CAPZB: variants seen among roughly 807,000 people sequenced by gnomAD.
CAPZB encodes the protein F-actin-capping protein subunit beta.
Under a neutral mutation model 38.1 loss-of-function variants are expected in CAPZB, and 2 were observed. The ratio of observed to expected loss-of-function variants is 0.05; its 90% CI spans 0.02 to 0.17. The LOEUF is 0.17. Ranked by LOEUF, CAPZB falls within the 10% of genes least tolerant of loss-of-function variation. The pLI, the probability that CAPZB is intolerant of heterozygous loss-of-function variation, is 1.00. For synonymous variants in CAPZB, 107 were observed against 127.4 expected, an observed-to-expected ratio of 0.84 and a Z score of 1.08; for missense variants, 161 against 334.2, an observed-to-expected ratio of 0.48 and a Z score of 4.04.
intron 4 of CAPZB, among the ~76,000 whole-genome samples, chr1:19,368,510 A>C (rs973869195): frequency 8.6e-5 from 13 of 151,558 alleles, no homozygotes; most frequent in South Asian, 2.1e-4. Flanking sequence ...AAAAAAAAAA[A>C]AAAACGGTGG....
rs529871276 is a variant in CAPZB, at chr1:19,479,024, C to G, written c.3+6412G>C. Among the ~76,000 whole-genome samples the G allele has an allele frequency of 6.6e-5, 10 of 152,266 alleles. No individual in the cohort carries two copies. In the East Asian group the frequency reaches 1.9e-3, roughly 29 times the overall value. Reference sequence around the variant, plus strand: ...AGGCGTTCAAGACCAGCCTGGCCAACATGGTGAAACCCTGTCTCTACTAAA... The same window carrying G: ...AGGCGTTCAAGACCAGCCTGGCCAAGATGGTGAAACCCTGTCTCTACTAAA... On this transcript the variant is annotated intron_variant, in intron 1 of 8. Coordinates refer to ENST00000264202, the MANE Select transcript of CAPZB (RefSeq NM_004930.5).
intron 1 of CAPZB, among the ~76,000 whole-genome samples, chr1:19,440,804 T>C (rs954392318): frequency 1.3e-5 from 2 of 152,214 alleles, no homozygotes; most frequent in African/African-American, 4.8e-5. Context: ...CTCACGCCTG[T>C]AATCCCAGCA....
chr1:19,452,546 G>C (rs1288187428), intron 1 of CAPZB, among the ~76,000 whole-genome samples: 1 of 152,186 alleles, frequency 6.6e-6, no homozygotes, highest in Non-Finnish European at 1.5e-5. Flanking sequence ...GCCTTCCACT[G>C]CCACGTACAC....
intron 1 of CAPZB, among the ~76,000 whole-genome samples, chr1:19,437,052 G>A (rs1005863378): frequency 3.3e-5 from 5 of 152,220 alleles, no homozygotes; most frequent in African/African-American, 1.2e-4. Context: ...CCTCTACAAA[G>A]TGGACGCCCA....
At chr1:19,443,772 G>A (rs2094486843) in intron 1 of CAPZB, among the ~76,000 whole-genome samples, 1 of 152,244 alleles carries the variant, frequency 6.6e-6, no homozygotes, top group African/African-American at 2.4e-5. Context: ...CAGATGCTGT[G>A]TGTGGCCGCA....
intron 3 of CAPZB, among the ~76,000 whole-genome samples, chr1:19,385,196 G>A (rs1453117335): frequency 6.6e-6 from 1 of 152,132 alleles, no homozygotes; most frequent in Non-Finnish European, 1.5e-5. Flanking sequence ...AGTTGTTTTT[G>A]AACAACATCC....
chr1:19,392,187 TAA>T (rs746920918), intron 2 of CAPZB, among the ~76,000 whole-genome samples: 11 of 23,770 alleles, frequency 4.6e-4, no homozygotes, highest in Admixed American at 1.0e-3. Context: ...TGTCTCAAGG[TAA>T]AAAAAAAAAA....
intron 4 of CAPZB, among the ~76,000 whole-genome samples, chr1:19,371,546 AAGAG>A (rs2094119656): frequency 1.3e-5 from 2 of 152,274 alleles, no homozygotes; most frequent in South Asian, 4.1e-4. Flanking sequence ...AGAAAAGACA[AAGAG>A]AGAATCCAGT....
rs939487289 is a variant in CAPZB, at chr1:19,384,209, T to G, written c.215+1296A>C. On this transcript the variant is annotated intron_variant, in intron 3 of 8. Transcript: ENST00000264202. The stretch of plus-strand genomic sequence containing the variant: ...CTGGCCTTCAAGACCCTGCCAGACC[T>G]GCCCTGGCCATGCCTCCTCCCTCAT... Among the ~76,000 whole-genome samples, 3 of 152,306 alleles carry G rather than the reference T, an allele frequency of 2.0e-5. 1 individual carries two copies. The East Asian group carries it at 5.8e-4, about 29-fold the overall frequency.
intron 4 of CAPZB, among the ~76,000 whole-genome samples, chr1:19,371,552 G>C (rs2094119698): frequency 6.6e-6 from 1 of 152,184 alleles, no homozygotes; most frequent in Non-Finnish European, 1.5e-5. Context: ...GACAAAGAGA[G>C]AATCCAGTCC....
At chr1:19,342,423 G>GA (rs780336172) in intron 8 of CAPZB, among the ~76,000 whole-genome samples, 1 of 152,258 alleles carries the variant, frequency 6.6e-6, no homozygotes, top group Non-Finnish European at 1.5e-5. Context: ...CTGCCCTGGG[G>GA]ACAGTCAGGC....
intron 2 of CAPZB, among the ~76,000 whole-genome samples, chr1:19,418,215 T>C (rs1022831695): frequency 3.6e-5 from 5 of 140,818 alleles, no homozygotes; most frequent in Non-Finnish European, 6.1e-5. Context: ...CCCAAATATA[T>C]GGCTCCTCTA....
chr1:19,354,605 G>A (rs1359586865), intron 6 of CAPZB, among the ~76,000 whole-genome samples: 1 of 152,242 alleles, frequency 6.6e-6, no homozygotes, highest in Admixed American at 6.5e-5. Flanking sequence ...GTGTGCTGAG[G>A]ACAGGCACTC....
intron 4 of CAPZB, among the ~76,000 whole-genome samples, chr1:19,373,497 G>A (rs998981570): frequency 1.4e-4 from 21 of 152,192 alleles, no homozygotes; most frequent in Middle Eastern, 3.4e-3. Context: ...CAGAATCTAC[G>A]TCTTTCCCTC....
At chr1:19,395,819 C>T (rs907317193) in intron 2 of CAPZB, among the ~76,000 whole-genome samples, 2 of 152,228 alleles carry the variant, frequency 1.3e-5, no homozygotes, top group African/African-American at 2.4e-5. Flanking sequence ...AAACCACCTT[C>T]GAGTCACCAG....
chr1:19,435,335 G>C (rs1324673866), intron 1 of CAPZB, among the ~76,000 whole-genome samples: 1 of 151,462 alleles, frequency 6.6e-6, no homozygotes, highest in Non-Finnish European at 1.5e-5. Flanking sequence ...TGAGGAAGGA[G>C]CTTAACATCC....
intron 1 of CAPZB, among the ~76,000 whole-genome samples, chr1:19,441,089 A>G (rs563690320): frequency 6.6e-6 from 1 of 152,274 alleles, no homozygotes; most frequent in East Asian, 1.9e-4. Flanking sequence ...AAAAAACAAA[A>G]CAGTTATAGC....
chr1:19,406,221 C>G (rs201870511), intron 2 of CAPZB, among the ~76,000 whole-genome samples: 3 of 152,208 alleles, frequency 2.0e-5, no homozygotes, highest in Non-Finnish European at 4.4e-5. Context: ...TCCTCCCCCA[C>G]GCATCCCTTC....
rs1009814592 is a variant in CAPZB, at chr1:19,478,742, G to A, written c.3+6694C>T. 1.2e-4 allele frequency among the ~76,000 whole-genome samples: 19 copies of A among 152,252 alleles called. 1 individual carries two copies. The highest frequency in any genetic ancestry group is 3.9e-4 in the African/African-American group (16 of 41,540). On this transcript the variant is annotated intron_variant, in intron 1 of 8. Transcript: ENST00000264202. ...ATGGCATATTCTATTAGGTCTACCT[G>A]ACTGCTCAGTAGACATCCACGGAAT...
Sources: gnomAD v4.1 joint callset for allele counts (sites outside exome capture counted in the v4.1 genomes callset) on GRCh38, gnomAD v4.1.1 for gene constraint, MANE v1.5 for transcripts, NCBI Gene and HGNC (gene_info 2026-07-23, HGNC 2026-07-21) for gene names.